Variants in PAX5 observed in about 807,000 individuals in gnomAD.
The protein encoded by PAX5 is paired box protein Pax-5.
Under a neutral mutation model 43.7 loss-of-function variants are expected in PAX5, and 9 were observed. That is an observed-to-expected ratio of 0.21 (90% CI 0.12 to 0.36). The LOEUF is 0.36. PAX5 is among the 10% of genes least tolerant of loss of function. PAX5 has a pLI of 1.00. For synonymous variants in PAX5, 228 were observed against 214.3 expected, an observed-to-expected ratio of 1.06 and a Z score of -0.56; for missense variants, 383 against 532.7, an observed-to-expected ratio of 0.72 and a Z score of 2.77.
intron 1 of PAX5, among the ~76,000 whole-genome samples, chr9:37,031,935 A>G (rs1327200358): frequency 6.6e-6 from 1 of 152,222 alleles, no homozygotes; most frequent in Non-Finnish European, 1.5e-5. Flanking sequence ...AAGCTCTCAT[A>G]GGAACCAGAC....
intron 6 of PAX5, among the ~76,000 whole-genome samples, chr9:36,928,806 AG>A (rs1344019423): frequency 1.3e-5 from 2 of 152,254 alleles, no homozygotes; most frequent in Non-Finnish European, 2.9e-5. Context: ...AGGCAAAAAA[AG>A]AAAACAGCCA....
chr9:36,882,055 G>C lies in PAX5; in HGVS notation c.961C>G (p.Pro321Ala), dbSNP rs543302698. 3.7e-5 allele frequency: 60 copies of C among 1,611,836 alleles called. No individual in the cohort carries two copies. Among genetic ancestry groups the C allele is most frequent in the East Asian group, 2.2e-5 (1 of 44,724 alleles). The change falls in exon 8 of 10, where the codon CCC becomes GCC. Residue 321 changes from proline (P) to alanine (A), a missense_variant. Pro to Ala is a conservative substitution (Grantham distance 27). Around this residue, in one of 5 missense-constraint regions of PAX5, gnomAD observed 291 missense variants for 342.5 expected, o/e 0.85. Coordinates refer to ENST00000358127, the MANE Select transcript of PAX5 (RefSeq NM_016734.3). This position sits in a 1 kb window ranked among gnomAD's most constrained non-coding sequence, Gnocchi z 4.4. ...GCTGAGTAGCTGCCCTGTCCAGCGG[G>C]GGGGACGTGTGGAGGGTACCCGGGG... is the stretch of plus-strand genomic sequence containing the variant. ...TLPGYPPHVP[P>A]AGQGSYSAPT... is the part of the protein sequence containing the mutation.
chr9:37,027,104 C>T lies in PAX5; in HGVS notation c.47-6303G>A, dbSNP rs1840464710. ...CTCCGCCAGATCCTTTCTTTCTCTGCTTCTCCGAGTCTCTGGGGCTCGGAC... is the reference window on the plus strand; with the variant it reads ...CTCCGCCAGATCCTTTCTTTCTCTGTTTCTCCGAGTCTCTGGGGCTCGGAC... On this transcript the variant is annotated intron_variant, in intron 1 of 9. Coordinates refer to ENST00000358127, the MANE Select transcript of PAX5 (RefSeq NM_016734.3). Among the ~76,000 whole-genome samples, 3 of 152,368 alleles carry T rather than the reference C, an allele frequency of 2.0e-5. No homozygotes were observed. In the South Asian group the frequency reaches 6.2e-4, roughly 32 times the overall value.
At chr9:37,027,490 G>A (rs1452929414) in intron 1 of PAX5, among the ~76,000 whole-genome samples, 1 of 152,254 alleles carries the variant, frequency 6.6e-6, no homozygotes, top group African/African-American at 2.4e-5. Flanking sequence ...CGGCCGCCGT[G>A]CCTGCCCCAG....
chr9:36,834,497 G>A lies in PAX5; in HGVS notation c.*6063C>T, dbSNP rs973752818. 3.0e-5 allele frequency: 7 copies of A among 232,870 alleles called. No individual in the cohort carries two copies. The highest frequency in any genetic ancestry group is 4.2e-5 in the Non-Finnish European group (5 of 118,040). The allele number at this position is 232,870 out of a possible 1,614,324, so 14.4% of individuals were successfully genotyped here. The stretch of plus-strand genomic sequence containing the variant: ...TATGGAGGGGAAGGCCAGATTCTGA[G>A]GCTCTGAACTTTTTGCAGTGTTTAA... On this transcript the variant is annotated 3_prime_UTR_variant, in exon 10 of 10. Transcript: ENST00000358127.
intron 3 of PAX5, among the ~76,000 whole-genome samples, chr9:37,012,026 G>A (rs895767896): frequency 6.6e-6 from 1 of 152,114 alleles, no homozygotes; most frequent in Non-Finnish European, 1.5e-5. Flanking sequence ...TAGGGGTGAG[G>A]AAGGCAGCCG....
intron 6 of PAX5, among the ~76,000 whole-genome samples, chr9:36,946,222 G>A (rs1832503923): frequency 1.3e-5 from 2 of 152,208 alleles, no homozygotes; most frequent in African/African-American, 4.8e-5. Context: ...ACTCCCTGAG[G>A]CTCGCAGAGG....
intron 3 of PAX5, among the ~76,000 whole-genome samples, chr9:37,009,256 T>C (rs1481765989): frequency 6.6e-6 from 1 of 152,202 alleles, no homozygotes; most frequent in Non-Finnish European, 1.5e-5. Context: ...CCACTAGAGT[T>C]TGAATCCCAT....
chr9:36,857,390 C>G (rs1823779878), intron 8 of PAX5, among the ~76,000 whole-genome samples: 1 of 152,184 alleles, frequency 6.6e-6, no homozygotes. Flanking sequence ...CCATTCAGAG[C>G]TCAGAGCTAG....
intron 7 of PAX5, among the ~76,000 whole-genome samples, chr9:36,896,885 A>G (rs1563943263): frequency 6.6e-6 from 1 of 152,154 alleles, no homozygotes; most frequent in Non-Finnish European, 1.5e-5. Context: ...CCTGGGTTCA[A>G]TTTGTCCATA....
At chr9:36,855,391 G>A (rs1823561891) in intron 8 of PAX5, among the ~76,000 whole-genome samples, 1 of 152,228 alleles carries the variant, frequency 6.6e-6, no homozygotes, top group Admixed American at 6.5e-5. Flanking sequence ...GCTATGCCAT[G>A]GCACATTTTG....
At chr9:36,986,758 T>A (rs981559778) in intron 5 of PAX5, among the ~76,000 whole-genome samples, 3 of 152,078 alleles carry the variant, frequency 2.0e-5, no homozygotes, top group Non-Finnish European at 4.4e-5. Flanking sequence ...GACCTCGGCC[T>A]CTCTGCCGAG....
chr9:36,981,284 T>G (rs1835909035), intron 5 of PAX5, among the ~76,000 whole-genome samples: 1 of 151,002 alleles, frequency 6.6e-6, no homozygotes, highest in Non-Finnish European at 1.5e-5. Context: ...CCTTATTTAG[T>G]TATTGTCTTT....
At chr9:37,004,200 A>C (rs1838186570) in intron 4 of PAX5, among the ~76,000 whole-genome samples, 1 of 152,236 alleles carries the variant, frequency 6.6e-6, no homozygotes. Context: ...CAAAGTTCCT[A>C]AGAATAAGAA....
intron 6 of PAX5, among the ~76,000 whole-genome samples, chr9:36,963,963 A>G (rs1212471245): frequency 6.6e-6 from 1 of 152,156 alleles, no homozygotes; most frequent in African/African-American, 2.4e-5. Context: ...CCCTAAAATT[A>G]CATGATCTTG....
intron 8 of PAX5, among the ~76,000 whole-genome samples, chr9:36,873,756 G>A (rs370864038): frequency 1.6e-4 from 25 of 152,188 alleles, no homozygotes; most frequent in Non-Finnish European, 2.8e-4. Flanking sequence ...ACCAGTGTCC[G>A]CTGGACCCTC....
Position 36,834,223 on chromosome 9 carries a change from C to T in PAX5, c.*6337G>A. The T allele has an allele frequency of 4.3e-6, 1 of 233,322 alleles. No individual in the cohort carries two copies. Among genetic ancestry groups the T allele is most frequent in the Non-Finnish European group, 8.5e-6 (1 of 118,062 alleles). 14.5% of individuals were successfully genotyped at this position (233,322 alleles called of 1,614,324 possible). A position where few individuals can be genotyped will look rare whatever the true frequency, so the allele number is the denominator to read the frequency against. The stretch of plus-strand genomic sequence containing the variant: ...CCCAGGCAACGCCAGGCCCTCACTG[C>T]CCGCCACCCTCTGTTGTGCTGGGTG... On this transcript the variant is annotated 3_prime_UTR_variant, in exon 10 of 10. Coordinates refer to ENST00000358127, the MANE Select transcript of PAX5 (RefSeq NM_016734.3).
At chr9:36,937,571 A>T (rs1831665962) in intron 6 of PAX5, among the ~76,000 whole-genome samples, 1 of 152,172 alleles carries the variant, frequency 6.6e-6, no homozygotes. Context: ...CTGCTAGGCC[A>T]GGCTCCTCTT....
intron 5 of PAX5, among the ~76,000 whole-genome samples, chr9:36,985,528 C>G (rs1045926539): frequency 2.0e-5 from 3 of 152,136 alleles, no homozygotes; most frequent in Non-Finnish European, 2.9e-5. Context: ...GCGTCTGGGA[C>G]GAATGGGAGA....
Sources: allele counts gnomAD v4.1 joint callset (sites outside exome capture counted in the v4.1 genomes callset), GRCh38; gene constraint gnomAD v4.1.1; regional missense constraint gnomAD v4.1.1; non-coding constraint Gnocchi (gnomAD v3.1); transcripts MANE v1.5; gene names NCBI Gene and HGNC (gene_info 2026-07-23, HGNC 2026-07-21).